The following NEK11 variants were observed in gnomAD, a reference collection of about 807,000 sequenced individuals.
NEK11 encodes serine/threonine-protein kinase Nek11.
NEK11 carries 72 observed loss-of-function variants against 80.7 expected under a neutral mutation model. That is an observed-to-expected ratio of 0.89 (90% CI 0.74 to 1.08). NEK11 has a LOEUF of 1.08. Ranked by LOEUF, NEK11 falls within the 50% of genes least tolerant of loss-of-function variation. The pLI is 0.00. For synonymous variants in NEK11, 251 were observed against 260.7 expected, an observed-to-expected ratio of 0.96 and a Z score of 0.36; for missense variants, 764 against 763.6, an observed-to-expected ratio of 1.00 and a Z score of -0.01.
At chr3:131,123,493 A>G (rs1226632311) in intron 5 of NEK11, among the ~76,000 whole-genome samples, 1 of 152,134 alleles carries the variant, frequency 6.6e-6, no homozygotes, top group Non-Finnish European at 1.5e-5. Flanking sequence ...GATATTTAGC[A>G]AATAGCTTGA....
At chr3:131,312,647 C>A (rs1460278451) in intron 17 of NEK11, among the ~76,000 whole-genome samples, 1 of 152,062 alleles carries the variant, frequency 6.6e-6, no homozygotes, top group Admixed American at 6.6e-5. Context: ...CATAATTGTA[C>A]CTTCTACATC....
intron 17 of NEK11, among the ~76,000 whole-genome samples, chr3:131,337,026 A>G (rs1169681752): frequency 1.3e-5 from 2 of 152,186 alleles, no homozygotes; most frequent in South Asian, 2.1e-4. Context: ...GGGACTGTAA[A>G]CTAGTTCAAC....
intron 4 of NEK11, among the ~76,000 whole-genome samples, chr3:131,084,587 T>A (rs147209480): frequency 6.6e-5 from 10 of 152,292 alleles, no homozygotes; most frequent in African/African-American, 2.2e-4. Context: ...ATGGGTGAGA[T>A]CACATATCTT....
intron 16 of NEK11, among the ~76,000 whole-genome samples, chr3:131,260,384 G>A (rs1040647423): frequency 1.3e-5 from 2 of 152,044 alleles, no homozygotes; most frequent in African/African-American, 4.8e-5. Context: ...AATTTGACTT[G>A]AGGTGTTCTA....
intron 15 of NEK11, among the ~76,000 whole-genome samples, chr3:131,229,609 A>G (rs1277874678): frequency 6.6e-6 from 1 of 152,156 alleles, no homozygotes; most frequent in Non-Finnish European, 1.5e-5. Flanking sequence ...GCAATATATC[A>G]TAATATTCAA....
In NEK11 at chr3:131,162,402, T is replaced by G; in HGVS notation, c.963-6T>G. The G allele has an allele frequency of 1.9e-6, 3 of 1,611,452 alleles. No homozygotes were observed. The highest frequency in any genetic ancestry group is 2.5e-6 in the Non-Finnish European group (3 of 1,179,310). On this transcript the variant is annotated splice_region_variant and splice_polypyrimidine_tract_variant and intron_variant, in intron 10 of 17. Transcript: ENST00000383366. Reference sequence around the variant, plus strand: ...GCTATATGAGGGGAATCTTTGTTATTTATAGGCAAAAAAGGATCCACCTGC... The same window carrying G: ...GCTATATGAGGGGAATCTTTGTTATGTATAGGCAAAAAAGGATCCACCTGC...
intron 9 of NEK11, among the ~76,000 whole-genome samples, 173 bp downstream of exon 9, chr3:131,152,882 G>A (rs538754452): frequency 5.1e-4 from 77 of 152,138 alleles, no homozygotes; most frequent in African/African-American, 1.8e-3. Flanking sequence ...TCAAGAGATC[G>A]AGACCATCCT....
chr3:131,149,597 C>T (rs1252281539), intron 7 of NEK11, among the ~76,000 whole-genome samples: 1 of 151,912 alleles, frequency 6.6e-6, no homozygotes, highest in African/African-American at 2.4e-5. Flanking sequence ...TCTTTTTCTT[C>T]TTGTGTCGTA....
intron 3 of NEK11, among the ~76,000 whole-genome samples, chr3:131,051,942 C>T (rs535353126): frequency 1.2e-4 from 19 of 152,216 alleles, no homozygotes; most frequent in African/African-American, 2.6e-4. Context: ...GATCAAGTTT[C>T]GAGTTTCTCC....
At chr3:131,154,471 A>C (rs2090285761) in intron 9 of NEK11, among the ~76,000 whole-genome samples, 1 of 152,250 alleles carries the variant, frequency 6.6e-6, no homozygotes, top group Admixed American at 6.5e-5. Context: ...GACAGAATCC[A>C]GCAGGGCCAG....
chr3:131,179,115 GTTC>G (rs1214812240), intron 14 of NEK11, among the ~76,000 whole-genome samples: 20 of 152,134 alleles, frequency 1.3e-4, no homozygotes, highest in Admixed American at 1.2e-3. Context: ...CATCCCTCTT[GTTC>G]TTCTACCTTC....
At position 131,312,929 on chromosome 3, in the gene NEK11, G is replaced by A. The variant is rs60297549; in HGVS notation, c.1719-36628G>A. Reference sequence around the variant, plus strand: ...GATTATTTCATCACCCAGGTACTAAGCCTACTACCCAATAATAGTTATTTT... The same window carrying A: ...GATTATTTCATCACCCAGGTACTAAACCTACTACCCAATAATAGTTATTTT... On this transcript the variant is annotated intron_variant, in intron 17 of 17. Transcript: ENST00000383366. Among the ~76,000 whole-genome samples the A allele has an allele frequency of 3.9e-3, 600 of 151,942 alleles. 2 individuals carry two copies. Among genetic ancestry groups the A allele is most frequent in the African/African-American group, 0.013 (544 of 41,440 alleles).
intron 15 of NEK11, among the ~76,000 whole-genome samples, 174 bp downstream of exon 15, chr3:131,228,862 A>G (rs1377238837): frequency 6.6e-6 from 1 of 152,054 alleles, no homozygotes; most frequent in Non-Finnish European, 1.5e-5. Context: ...GCAGGGCCCT[A>G]TGGAATTTGG....
chr3:131,119,412 A>C (rs1008099671), intron 5 of NEK11, among the ~76,000 whole-genome samples: 2 of 152,140 alleles, frequency 1.3e-5, no homozygotes, highest in Non-Finnish European at 2.9e-5. Flanking sequence ...TTTTGGAATA[A>C]GTGCAATGTG....
chr3:131,063,333 G>A (rs1362787157), intron 3 of NEK11, among the ~76,000 whole-genome samples: 2 of 152,170 alleles, frequency 1.3e-5, no homozygotes, highest in African/African-American at 2.4e-5. Flanking sequence ...CCTGAATGGA[G>A]CTTTTACGTC....
At chr3:131,179,775 C>A (rs1321218156) in intron 14 of NEK11, among the ~76,000 whole-genome samples, 1 of 152,050 alleles carries the variant, frequency 6.6e-6, no homozygotes, top group East Asian at 1.9e-4. Context: ...AATGGAGATG[C>A]ATCTTAAAAT....
intron 17 of NEK11, among the ~76,000 whole-genome samples, chr3:131,288,607 C>A (rs565193682): frequency 6.6e-6 from 1 of 151,996 alleles, no homozygotes; most frequent in African/African-American, 2.4e-5. Flanking sequence ...CATGCACCAC[C>A]GTGCCTGGCT....
chr3:131,335,126 A>G (rs1312363434), intron 17 of NEK11, among the ~76,000 whole-genome samples: 1 of 152,240 alleles, frequency 6.6e-6, no homozygotes, highest in Non-Finnish European at 1.5e-5. Context: ...TTATGAGGCC[A>G]GCATCATCCT....
chr3:131,227,027 G>T (rs2095220285), intron 14 of NEK11, among the ~76,000 whole-genome samples: 1 of 151,568 alleles, frequency 6.6e-6, no homozygotes, highest in South Asian at 2.1e-4. Context: ...TTGCTCAGCT[G>T]AAAATCAGTG....
Sources: gnomAD v4.1 joint callset for allele counts (sites outside exome capture counted in the v4.1 genomes callset) on GRCh38, gnomAD v4.1.1 for gene constraint, MANE v1.5 for transcripts, NCBI Gene and HGNC (gene_info 2026-07-23, HGNC 2026-07-21) for gene names.